ARID4B: variants seen among roughly 807,000 people sequenced by gnomAD.
The protein encoded by ARID4B is AT-rich interactive domain-containing protein 4B.
ARID4B carries 26 observed loss-of-function variants against 147.5 expected under a neutral mutation model. The ratio of observed to expected loss-of-function variants is 0.18; its 90% confidence interval spans 0.13 to 0.24. The LOEUF is 0.24. Ranked by LOEUF, ARID4B falls within the 10% of genes least tolerant of loss-of-function variation. The pLI, the probability that ARID4B is intolerant of heterozygous loss-of-function variation, is 1.00. For missense variants in ARID4B, 1,179 were observed against 1,511.5 expected (o/e 0.78, Z 3.65); for synonymous variants, 512 against 507.9 (o/e 1.01, Z -0.11).
At chr1:235,209,234 G>C in intron 17 of ARID4B, among the ~76,000 whole-genome samples, 1 of 152,264 alleles carries the variant, frequency 6.6e-6, no homozygotes, top group South Asian at 2.1e-4. Context: ...CACCACTTAC[G>C]GGGGCAGAGG....
At chr1:235,269,047 G>A (rs1254760680) in intron 2 of ARID4B, among the ~76,000 whole-genome samples, 2 of 152,122 alleles carry the variant, frequency 1.3e-5, no homozygotes, top group East Asian at 3.8e-4. Flanking sequence ...ATATATGTAT[G>A]TCAAACTGAT....
intron 12 of ARID4B, among the ~76,000 whole-genome samples, chr1:235,224,056 T>G (rs962482443): frequency 4.6e-5 from 7 of 152,054 alleles, no homozygotes; most frequent in African/African-American, 1.4e-4. Context: ...ACAAACAGAG[T>G]CAGTTTCTAC....
intron 17 of ARID4B, 105 bp from the exon 18 acceptor site, chr1:235,196,220 G>C: frequency 1.9e-6 from 1 of 529,706 alleles, no homozygotes; most frequent in African/African-American, 2.0e-5. Context: ...TTTTAGAAGG[G>C]AAAGGACCTT....
intron 2 of ARID4B, among the ~76,000 whole-genome samples, chr1:235,319,649 A>T (rs1674686588): frequency 6.6e-6 from 1 of 152,196 alleles, no homozygotes; most frequent in South Asian, 2.1e-4. Context: ...CAATGCCTTC[A>T]TGGTCATACT....
chr1:235,306,537 A>C (rs1673581827), intron 2 of ARID4B, among the ~76,000 whole-genome samples: 1 of 152,106 alleles, frequency 6.6e-6, no homozygotes, highest in Admixed American at 6.6e-5. Context: ...CTAATTACTA[A>C]AGTATATGAG....
At chr1:235,293,925 A>T (rs898216668) in intron 2 of ARID4B, among the ~76,000 whole-genome samples, 1 of 152,224 alleles carries the variant, frequency 6.6e-6, no homozygotes, top group African/African-American at 2.4e-5. Context: ...TTATGTCAGA[A>T]ATTTCAGTAT....
Position 235,182,738 on chromosome 1 carries a change from G to A in ARID4B, c.2181C>T (p.Asp727=). 1 of 1,612,072 alleles carries A rather than the reference G, an allele frequency of 6.2e-7. No individual in the cohort carries two copies. Among genetic ancestry groups the A allele is most frequent in the South Asian group, 1.1e-5 (1 of 90,624 alleles). Residue 727 remains aspartate, a synonymous_variant, in exon 20 of 24, where the codon GAC becomes GAT. Coordinates refer to ENST00000264183, the MANE Select transcript of ARID4B (RefSeq NM_016374.6). ...SEQEDERGAQ[D]MDNNGKEESK... is the part of the protein sequence containing the mutation. Reference sequence around the variant, plus strand: ...ATTCCTCTTTGCCATTATTATCCATGTCTTGAGCACCTCTCTCATCTTCCT... The same window carrying A: ...ATTCCTCTTTGCCATTATTATCCATATCTTGAGCACCTCTCTCATCTTCCT...
At chr1:235,176,623 C>T in intron 21 of ARID4B, 2 of 252,216 alleles carry the variant, frequency 7.9e-6, no homozygotes, top group South Asian at 9.2e-5. Context: ...TGCTCTGGAA[C>T]CCCTGGCAAC....
chr1:235,231,198 T>A lies in ARID4B; in HGVS notation c.666-9A>T, dbSNP rs532268385. 2.7e-6 allele frequency: 4 copies of A among 1,494,402 alleles called. No individual in the cohort carries two copies. Among genetic ancestry groups the A allele is most frequent in the South Asian group, 2.6e-5 (2 of 78,186 alleles). 92.6% of individuals were successfully genotyped at this position (1,494,402 alleles called of 1,614,324 possible). ...TTCTTGGAACTGAAGTACTATATAT[T>A]TTTTTTAATTATAAGAGAAGAAAAA... On this transcript the variant is annotated splice_polypyrimidine_tract_variant and intron_variant, in intron 9 of 23. Coordinates refer to ENST00000264183, the MANE Select transcript of ARID4B (RefSeq NM_016374.6).
chr1:235,327,380 A>G (rs1022358514), intron 1 of ARID4B: 1 of 152,432 alleles, frequency 6.6e-6, no homozygotes, highest in Non-Finnish European at 1.5e-5. Context: ...AGGGGCCAGG[A>G]GGGCCTGTGG....
At chr1:235,250,835 T>TA (rs1436558028) in intron 6 of ARID4B, among the ~76,000 whole-genome samples, 2 of 152,216 alleles carry the variant, frequency 1.3e-5, no homozygotes, top group Non-Finnish European at 2.9e-5. Flanking sequence ...GCATTTAACT[T>TA]ACAACTGTCT....
chr1:235,188,901 G>GA (rs35044375), intron 19 of ARID4B, among the ~76,000 whole-genome samples: 3 of 151,312 alleles, frequency 2.0e-5, no homozygotes, highest in South Asian at 2.1e-4. Context: ...AGACAGCCAG[G>GA]AAAAAAAATT....
chr1:235,249,550 C>T (rs1264749876), intron 6 of ARID4B, among the ~76,000 whole-genome samples: 2 of 150,440 alleles, frequency 1.3e-5, no homozygotes, highest in Non-Finnish European at 3.0e-5. Context: ...AATCTCAGCA[C>T]TTTGGGAGGC....
chr1:235,171,501 G>T (rs887316864), intron 23 of ARID4B, among the ~76,000 whole-genome samples: 1 of 152,128 alleles, frequency 6.6e-6, no homozygotes, highest in Non-Finnish European at 1.5e-5. Flanking sequence ...TTTTCCTATG[G>T]ATTTTTCTTA....
chr1:235,314,640 T>C (rs576694032), intron 2 of ARID4B, among the ~76,000 whole-genome samples: 77 of 152,222 alleles, frequency 5.1e-4, no homozygotes, highest in Non-Finnish European at 2.9e-5. Flanking sequence ...TCTGCATCAC[T>C]AAGTAGCAGG....
In ARID4B at chr1:235,175,357, A is replaced by T. The variant is rs371919109; in HGVS notation, c.3491T>A (p.Ile1164Lys). 14 of 1,614,054 alleles carry T rather than the reference A, an allele frequency of 8.7e-6. No individual in the cohort carries two copies. Among genetic ancestry groups the T allele is most frequent in the Non-Finnish European group, 1.0e-5 (12 of 1,180,028 alleles). Residue 1164 changes from isoleucine (I) to lysine (K), a missense_variant, in exon 22 of 24, where the codon ATA (isoleucine) becomes AAA (lysine). By Grantham distance (102) the Ile-to-Lys change is moderately radical (BLOSUM62 -3). Transcript: ENST00000264183. ...DSEELSAGES[I>K]TKSQPVKSVS... ...TGATTTGACTGGCTGACTCTTAGTT[A>T]TACTTTCACCAGCTGAAAGTTCTTC... is the stretch of plus-strand genomic sequence containing the variant.
In ARID4B at chr1:235,326,300, G is replaced by A. The variant is rs1020690786; in HGVS notation, c.6+614C>T. Among the ~76,000 whole-genome samples, 5 of 152,082 alleles carry A rather than the reference G, an allele frequency of 3.3e-5. 1 individual carries two copies. The South Asian group carries it at 1.0e-3, about 32-fold the overall frequency. ...CATATTGACATCTAAGAGGAACCTG[G>A]CCATCAGTTTTCCACACATCATAAT... On this transcript the variant is annotated intron_variant, in intron 2 of 23. Transcript: ENST00000264183.
At chr1:235,291,709 G>C (rs1672350969) in intron 2 of ARID4B, among the ~76,000 whole-genome samples, 1 of 150,468 alleles carries the variant, frequency 6.6e-6, no homozygotes, top group Admixed American at 6.6e-5. Context: ...TAGCCCGGGT[G>C]ACATAGCAAG....
intron 2 of ARID4B, among the ~76,000 whole-genome samples, chr1:235,271,954 G>A (rs1332139769): frequency 8.0e-6 from 1 of 124,792 alleles, no homozygotes; most frequent in Non-Finnish European, 1.7e-5. Flanking sequence ...ATCTCAAAAA[G>A]TAATAATAAT....
Sources: allele counts gnomAD v4.1 joint callset (sites outside exome capture counted in the v4.1 genomes callset), GRCh38; gene constraint gnomAD v4.1.1; transcripts MANE v1.5; gene names NCBI Gene and HGNC (gene_info 2026-07-23, HGNC 2026-07-21).